Variants in MORN5 observed in about 807,000 individuals in gnomAD.
MORN5 encodes the protein MORN repeat-containing protein 5.
MORN5 carries 21 observed loss-of-function variants against 22.1 expected under a neutral mutation model. The observed-to-expected ratio is 0.95, with a 90% CI of 0.67 to 1.37. MORN5 has a LOEUF of 1.37. MORN5 is among the 40% of genes most tolerant of loss of function. The pLI is 0.00. For synonymous variants in MORN5, 73 were observed against 74.0 expected (o/e 0.99, Z 0.07); for missense variants, 211 against 215.1 (o/e 0.98, Z 0.12).
At chr9:122,196,742 T>C (rs954065779) in intron 4 of MORN5, among the ~76,000 whole-genome samples, 1 of 152,188 alleles carries the variant, frequency 6.6e-6, no homozygotes, top group Admixed American at 6.5e-5. Flanking sequence ...TGCAGGGCTA[T>C]TATTCACATT....
intron 4 of MORN5, among the ~76,000 whole-genome samples, chr9:122,187,344 T>C (rs1829658752): frequency 6.6e-6 from 1 of 152,240 alleles, no homozygotes; most frequent in Non-Finnish European, 1.5e-5. Flanking sequence ...TGTGGTTTTC[T>C]GATCTCTCTA....
chr9:122,198,685 T>A (rs1355555018), intron 4 of MORN5, among the ~76,000 whole-genome samples: 1 of 151,882 alleles, frequency 6.6e-6, no homozygotes, highest in African/African-American at 2.4e-5. Context: ...TGTGAAGGAG[T>A]GTGGCCAAGA....
intron 1 of MORN5, among the ~76,000 whole-genome samples, chr9:122,160,730 T>C (rs1458914406): frequency 6.6e-6 from 1 of 152,062 alleles, no homozygotes; most frequent in Non-Finnish European, 1.5e-5. Context: ...TCTTCCCACC[T>C]CAGCCTCCCA....
intron 1 of MORN5, among the ~76,000 whole-genome samples, chr9:122,161,219 T>TGAATACA (rs892990096): frequency 1.8e-4 from 28 of 152,168 alleles, no homozygotes; most frequent in Middle Eastern, 6.3e-3. Flanking sequence ...CACAAGTTGG[T>TGAATACA]GGAATTCCAG....
chr9:122,160,027 G>A lies in MORN5; in HGVS notation c.47+8G>A. On this transcript the variant is annotated splice_region_variant and intron_variant, in intron 1 of 4. Coordinates refer to ENST00000373764, the MANE Select transcript of MORN5 (RefSeq NM_198469.4). The stretch of plus-strand genomic sequence containing the variant: ...GGAATATGTAGATGGGAGGTAAGGG[G>A]CTCATTTGATTCACTTACTATACCT... 1 of 1,611,610 alleles carries A rather than the reference G, an allele frequency of 6.2e-7. No individual in the cohort carries two copies. Among genetic ancestry groups the A allele is most frequent in the Admixed American group, 1.7e-5 (1 of 59,562 alleles).
intron 3 of MORN5, among the ~76,000 whole-genome samples, chr9:122,171,752 C>A (rs764522105): frequency 6.6e-6 from 1 of 151,952 alleles, no homozygotes; most frequent in African/African-American, 2.4e-5. Context: ...TGGATTTTAC[C>A]TCTGAAATAT....
intron 2 of MORN5, among the ~76,000 whole-genome samples, chr9:122,168,709 C>T (rs938645457): frequency 9.2e-5 from 14 of 152,140 alleles, no homozygotes; most frequent in Non-Finnish European, 2.1e-4. Flanking sequence ...ATGGCTCTGA[C>T]CTTTCCAGCT....
intron 1 of MORN5, among the ~76,000 whole-genome samples, chr9:122,161,590 C>G (rs1280039340): frequency 6.6e-6 from 1 of 152,214 alleles, no homozygotes; most frequent in Non-Finnish European, 1.5e-5. Flanking sequence ...TGAACCCAAT[C>G]CTCTGTCCAA....
Position 122,192,505 on chromosome 9 carries a change from C to A in MORN5, c.440-7380C>A, listed in dbSNP as rs531135103. Among the ~76,000 whole-genome samples, 115 of 151,958 alleles carry A rather than the reference C, an allele frequency of 7.6e-4. 1 individual carries two copies. Among genetic ancestry groups the A allele is most frequent in the Middle Eastern group, 3.4e-3 (1 of 294 alleles). On this transcript the variant is annotated intron_variant, in intron 4 of 4. Transcript: ENST00000373764. ...GAGCTGATATTTCCTTGCAGCTGTT[C>A]TGAGACTTTCAGGATCTCTTTTTCC... is the stretch of plus-strand genomic sequence containing the variant.
At chr9:122,192,320 C>G (rs1358583914) in intron 4 of MORN5, among the ~76,000 whole-genome samples, 3 of 152,134 alleles carry the variant, frequency 2.0e-5, no homozygotes, top group Non-Finnish European at 4.4e-5. Context: ...TCACTTGGTC[C>G]TCATGCAAGC....
chr9:122,199,856 C>T, intron 4 of MORN5, 29 bp from the exon 5 acceptor site: 1 of 1,613,614 alleles, frequency 6.2e-7, no homozygotes, highest in East Asian at 2.2e-5. Context: ...GAGCACCAAG[C>T]ATGACCAGCT....
At chr9:122,179,237 C>G (rs193157983) in intron 4 of MORN5, among the ~76,000 whole-genome samples, 1 of 152,130 alleles carries the variant, frequency 6.6e-6, no homozygotes, top group South Asian at 2.1e-4. Flanking sequence ...GGGCAAGAGA[C>G]GAAGCCCGAG....
At chr9:122,175,361 G>T in intron 4 of MORN5, 1 of 630,950 alleles carries the variant, frequency 1.6e-6, no homozygotes, top group Non-Finnish European at 2.0e-6. Flanking sequence ...TAGGTACCTT[G>T]GAGGATCCAG....
At chr9:122,177,759 C>G (rs1829475446) in intron 4 of MORN5, among the ~76,000 whole-genome samples, 1 of 152,206 alleles carries the variant, frequency 6.6e-6, no homozygotes, top group African/African-American at 2.4e-5. Context: ...GCCCAGCCAC[C>G]CCTTTTGTTG....
At chr9:122,183,277 G>A (rs1829564024) in intron 4 of MORN5, among the ~76,000 whole-genome samples, 1 of 152,188 alleles carries the variant, frequency 6.6e-6, no homozygotes, top group Non-Finnish European at 1.5e-5. Flanking sequence ...ACACGTCCCT[G>A]TCATTCCTCT....
At chr9:122,182,407 G>T (rs1829549447) in intron 4 of MORN5, among the ~76,000 whole-genome samples, 1 of 152,224 alleles carries the variant, frequency 6.6e-6, no homozygotes, top group Non-Finnish European at 1.5e-5. Context: ...AGCTGGGAAA[G>T]GAAAGCTTAT....
chr9:122,192,917 T>G (rs897597314), intron 4 of MORN5, among the ~76,000 whole-genome samples: 12 of 152,212 alleles, frequency 7.9e-5, no homozygotes, highest in Non-Finnish European at 1.6e-4. Flanking sequence ...TGTCCCCAAA[T>G]TTACATTTCT....
chr9:122,190,844 C>G (rs1829745763), intron 4 of MORN5, among the ~76,000 whole-genome samples: 1 of 152,268 alleles, frequency 6.6e-6, no homozygotes, highest in African/African-American at 2.4e-5. Flanking sequence ...CATTGCTGCC[C>G]TCACTGTGGC....
chr9:122,174,070 A>G (rs1829407108), intron 3 of MORN5, among the ~76,000 whole-genome samples: 1 of 152,138 alleles, frequency 6.6e-6, no homozygotes, highest in Non-Finnish European at 1.5e-5. Context: ...CTGCTCTACA[A>G]GGTTTCCAGA....
Sources: gnomAD v4.1 joint callset for allele counts (sites outside exome capture counted in the v4.1 genomes callset) on GRCh38, gnomAD v4.1.1 for gene constraint, MANE v1.5 for transcripts, NCBI Gene and HGNC (gene_info 2026-07-23, HGNC 2026-07-21) for gene names.